Variants in AP4E1 observed in about 807,000 individuals in gnomAD.
AP4E1 encodes AP-4 complex subunit epsilon-1.
A neutral mutation model predicts 128.2 loss-of-function variants in AP4E1; 56 were observed. The observed-to-expected ratio is 0.44, with a 90% CI of 0.35 to 0.55. The LOEUF is 0.55. Ranked by LOEUF, AP4E1 falls within the 20% of genes least tolerant of loss-of-function variation. The pLI is 0.00. For missense variants in AP4E1, 1,324 were observed against 1,307.7 expected (o/e 1.01, Z -0.19); for synonymous variants, 484 against 473.1 (o/e 1.02, Z -0.30).
intron 2 of AP4E1, among the ~76,000 whole-genome samples, chr15:50,913,641 A>G (rs779589215): frequency 3.1e-4 from 47 of 152,246 alleles, no homozygotes; most frequent in Non-Finnish European, 5.3e-4. Context: ...TCACTTAGAT[A>G]AAGTTCATAA....
At chr15:50,992,904 A>G (rs1051352464) in intron 16 of AP4E1, among the ~76,000 whole-genome samples, 1 of 152,222 alleles carries the variant, frequency 6.6e-6, no homozygotes, top group South Asian at 2.1e-4. Flanking sequence ...AAATTTATAC[A>G]TAGGAGTAAA....
At position 50,934,700 on chromosome 15, in the gene AP4E1, A is replaced by C; in HGVS notation, c.943+3A>C. ...GTTAAATCACAATGTCACATATGGTAGGTAATATATGTAAATATTACTCTA... is the reference window on the plus strand; with the variant it reads ...GTTAAATCACAATGTCACATATGGTCGGTAATATATGTAAATATTACTCTA... On this transcript the variant is annotated splice_donor_region_variant and intron_variant, in intron 8 of 20. Coordinates refer to ENST00000261842, the MANE Select transcript of AP4E1 (RefSeq NM_007347.5). 2 of 1,581,582 alleles carry C rather than the reference A, an allele frequency of 1.3e-6. No individual in the cohort carries two copies. Among genetic ancestry groups the C allele is most frequent in the Non-Finnish European group, 1.7e-6 (2 of 1,150,972 alleles).
At chr15:50,999,647 ATTTG>A (rs1483551871) in intron 19 of AP4E1, among the ~76,000 whole-genome samples, 2 of 152,164 alleles carry the variant, frequency 1.3e-5, no homozygotes, top group Admixed American at 6.5e-5. Context: ...ATTTCATAAA[ATTTG>A]TTTGTTAAGC....
chr15:50,952,608 A>C (rs2140868382), intron 13 of AP4E1, among the ~76,000 whole-genome samples: 1 of 151,990 alleles, frequency 6.6e-6, no homozygotes, highest in South Asian at 2.1e-4. Flanking sequence ...AATGTCTCTT[A>C]GGGCTATTAT....
intron 5 of AP4E1, among the ~76,000 whole-genome samples, chr15:50,926,193 G>A (rs536737185): frequency 2.6e-5 from 4 of 151,356 alleles, no homozygotes; most frequent in South Asian, 4.2e-4. Context: ...GCTGGAGTGC[G>A]GTGGAGTGAT....
At chr15:50,918,573 A>G (rs561887095) in intron 3 of AP4E1, among the ~76,000 whole-genome samples, 136 of 152,330 alleles carry the variant, frequency 8.9e-4, no homozygotes, top group Non-Finnish European at 1.7e-3. Flanking sequence ...AAATATGTAA[A>G]GCATTATGGC....
At chr15:50,992,098 G>A (rs552772079) in intron 16 of AP4E1, among the ~76,000 whole-genome samples, 3 of 151,216 alleles carry the variant, frequency 2.0e-5, no homozygotes, top group Non-Finnish European at 4.4e-5. Flanking sequence ...TAAATATATT[G>A]GAAAAAGTTT....
chr15:50,955,450 T>G (rs2140872921), intron 13 of AP4E1, among the ~76,000 whole-genome samples: 1 of 152,300 alleles, frequency 6.6e-6, no homozygotes, highest in East Asian at 1.9e-4. Context: ...CTATTTTGCT[T>G]TTTCTGGGTG....
intron 5 of AP4E1, among the ~76,000 whole-genome samples, chr15:50,926,662 G>A (rs2063772974): frequency 6.6e-6 from 1 of 151,008 alleles, no homozygotes; most frequent in Admixed American, 6.6e-5. Context: ...GCAGTGGTGT[G>A]ATCTTGGCTC....
chr15:50,922,030 AAT>A (rs2063709120), intron 3 of AP4E1, among the ~76,000 whole-genome samples: 1 of 151,874 alleles, frequency 6.6e-6, no homozygotes, highest in Admixed American at 6.6e-5. Context: ...CTCTGCTTTA[AAT>A]GCTTTCTGGG....
chr15:50,954,302 A>T (rs1004721085), intron 13 of AP4E1, among the ~76,000 whole-genome samples: 1 of 152,218 alleles, frequency 6.6e-6, no homozygotes, highest in Non-Finnish European at 1.5e-5. Flanking sequence ...TTTCTGGAAG[A>T]GTTTGCATAA....
intron 13 of AP4E1, among the ~76,000 whole-genome samples, chr15:50,957,259 G>C (rs1159764050): frequency 1.3e-5 from 2 of 152,148 alleles, no homozygotes; most frequent in East Asian, 3.9e-4. Context: ...GGAGCTGACA[G>C]GGGGACTGGG....
At chr15:50,916,494 G>T (rs987046162) in intron 3 of AP4E1, among the ~76,000 whole-genome samples, 1 of 152,206 alleles carries the variant, frequency 6.6e-6, no homozygotes, top group African/African-American at 2.4e-5. Flanking sequence ...CAAGAAGGAA[G>T]TATTTTAGAA....
chr15:50,914,829 G>T (rs1489274376), intron 2 of AP4E1, among the ~76,000 whole-genome samples: 1 of 151,968 alleles, frequency 6.6e-6, no homozygotes, highest in Non-Finnish European at 1.5e-5. Context: ...GATATTAAAA[G>T]ACCCCATTAG....
intron 16 of AP4E1, among the ~76,000 whole-genome samples, chr15:50,991,931 TA>T (rs1164961910): frequency 6.6e-6 from 1 of 151,776 alleles, no homozygotes; most frequent in Non-Finnish European, 1.5e-5. Context: ...CAGAGATGCT[TA>T]AATAAGTCAA....
At chr15:50,950,719 C>T (rs1410455972) in intron 13 of AP4E1, among the ~76,000 whole-genome samples, 2 of 152,066 alleles carry the variant, frequency 1.3e-5, no homozygotes, top group African/African-American at 4.8e-5. Flanking sequence ...TAACACATCA[C>T]CTAGGTATTA....
intron 16 of AP4E1, among the ~76,000 whole-genome samples, chr15:50,988,613 C>G (rs555806444): frequency 6.6e-6 from 1 of 152,188 alleles, no homozygotes; most frequent in South Asian, 2.1e-4. Flanking sequence ...CCGTGCCCAG[C>G]CTATTTATTA....
At chr15:50,924,916 C>G (rs1487688418) in intron 4 of AP4E1, among the ~76,000 whole-genome samples, 182 bp from the exon 5 acceptor site, 1 of 152,152 alleles carries the variant, frequency 6.6e-6, no homozygotes, top group Non-Finnish European at 1.5e-5. Context: ...TGTCTACTGA[C>G]TCTATTAAGG....
chr15:50,929,673 C>G (rs754261105), intron 6 of AP4E1, among the ~76,000 whole-genome samples: 5 of 151,958 alleles, frequency 3.3e-5, no homozygotes, highest in Non-Finnish European at 7.4e-5. Context: ...TGCCTGAAAC[C>G]ATTTGTGTTC....
Sources: gnomAD v4.1 joint callset for allele counts (sites outside exome capture counted in the v4.1 genomes callset) on GRCh38, gnomAD v4.1.1 for gene constraint, MANE v1.5 for transcripts, NCBI Gene and HGNC (gene_info 2026-07-23, HGNC 2026-07-21) for gene names.